Variants in CEP170 observed in about 807,000 individuals in gnomAD.
CEP170 encodes centrosomal protein of 170 kDa.
Under a neutral mutation model 151.9 loss-of-function variants are expected in CEP170, and 21 were observed. That is an observed-to-expected ratio of 0.14 (90% CI 0.10 to 0.20). The LOEUF is 0.20. Ranked by LOEUF, CEP170 falls within the 10% of genes least tolerant of loss-of-function variation. The pLI, the probability that CEP170 is intolerant of heterozygous loss-of-function variation, is 1.00. For synonymous variants in CEP170, 356 were observed against 648.8 expected (o/e 0.55, Z 6.86); for missense variants, 964 against 1,892.9 (o/e 0.51, Z 9.11).
At chr1:243,159,833 G>A (rs2057918681) in intron 13 of CEP170, among the ~76,000 whole-genome samples, 1 of 142,724 alleles carries the variant, frequency 7.0e-6, no homozygotes, top group Admixed American at 7.0e-5. Context: ...CTGTCACCCA[G>A]GCTGGAGGGC....
chr1:243,208,000 TC>T (rs2061533198), intron 4 of CEP170, among the ~76,000 whole-genome samples: 2 of 152,114 alleles, frequency 1.3e-5, no homozygotes, highest in African/African-American at 4.8e-5. Flanking sequence ...AGATGATTCT[TC>T]CCATTTTCTC....
intron 18 of CEP170, among the ~76,000 whole-genome samples, chr1:243,129,056 CAACTT>C (rs1256941724): frequency 1.3e-5 from 2 of 151,904 alleles, no homozygotes; most frequent in Non-Finnish European, 2.9e-5. Context: ...CGACTTATGT[CAACTT>C]AATATTTTCA....
intron 14 of CEP170, among the ~76,000 whole-genome samples, chr1:243,151,107 G>A (rs575567732): frequency 6.6e-6 from 1 of 152,196 alleles, no homozygotes; most frequent in Non-Finnish European, 1.5e-5. Flanking sequence ...TACTCTTTAC[G>A]AATGACTACA....
At chr1:243,253,782 A>G (rs1368802903) in intron 1 of CEP170, among the ~76,000 whole-genome samples, 2 of 152,210 alleles carry the variant, frequency 1.3e-5, no homozygotes, top group Non-Finnish European at 2.9e-5. Context: ...AACGCCAGCA[A>G]ACGGCTGCAT....
intron 17 of CEP170, among the ~76,000 whole-genome samples, chr1:243,130,238 T>C (rs2148177524): frequency 6.6e-6 from 1 of 152,304 alleles, no homozygotes; most frequent in East Asian, 1.9e-4. Flanking sequence ...GACCTCTTTA[T>C]ATGGGAATAA....
At chr1:243,236,872 A>G (rs2064303841) in intron 1 of CEP170, among the ~76,000 whole-genome samples, 1 of 152,170 alleles carries the variant, frequency 6.6e-6, no homozygotes, top group African/African-American at 2.4e-5. Flanking sequence ...TTCTTAGCTC[A>G]CGCAGGACAA....
At chr1:243,139,511 A>C (rs2055570687) in intron 16 of CEP170, among the ~76,000 whole-genome samples, 1 of 151,184 alleles carries the variant, frequency 6.6e-6, no homozygotes, top group Non-Finnish European at 1.5e-5. Context: ...TACCTTCTTT[A>C]TTTTTTAATA....
rs1414687589 is a variant in CEP170 at position 243,124,615 on chromosome 1, G to C, written c.*1834C>G. 1 of 152,480 alleles carries C rather than the reference G, an allele frequency of 6.6e-6. No individual in the cohort carries two copies. Among genetic ancestry groups the C allele is most frequent in the Non-Finnish European group, 1.5e-5 (1 of 67,952 alleles). 9.4% of individuals were successfully genotyped at this position (152,480 alleles called of 1,614,324 possible). A position where few individuals can be genotyped will look rare whatever the true frequency, so the allele number is the denominator to read the frequency against. ...AAACACTTAAACAAGAATGTAAGCA[G>C]AGTAGATTCTAGTATTTTCCTAAAC... is the stretch of plus-strand genomic sequence containing the variant. On this transcript the variant is annotated 3_prime_UTR_variant, in exon 20 of 20. Transcript: ENST00000366542.
At chr1:243,158,471 G>C (rs1399925930) in intron 13 of CEP170, among the ~76,000 whole-genome samples, 1 of 152,124 alleles carries the variant, frequency 6.6e-6, no homozygotes, top group Non-Finnish European at 1.5e-5. Context: ...AGTTAATTTT[G>C]AGGTAACTTA....
chr1:243,248,913 T>C (rs2065670754), intron 1 of CEP170, among the ~76,000 whole-genome samples: 1 of 152,142 alleles, frequency 6.6e-6, no homozygotes, highest in South Asian at 2.1e-4. Flanking sequence ...ATCCCATTCC[T>C]GCCTCAGAAC....
At chr1:243,164,132 C>T (rs1207487312) in intron 13 of CEP170, among the ~76,000 whole-genome samples, 152 bp downstream of exon 13, 1 of 151,930 alleles carries the variant, frequency 6.6e-6, no homozygotes, top group Admixed American at 6.6e-5. Context: ...GTTTTATAGA[C>T]CCCCCACCGC....
intron 1 of CEP170, among the ~76,000 whole-genome samples, chr1:243,250,565 T>C (rs924743620): frequency 6.6e-6 from 1 of 152,220 alleles, no homozygotes; most frequent in Non-Finnish European, 1.5e-5. Flanking sequence ...CAACTTTTTA[T>C]TGGTTAATCA....
chr1:243,240,807 C>T (rs371889722), intron 1 of CEP170, among the ~76,000 whole-genome samples: 1 of 152,138 alleles, frequency 6.6e-6, no homozygotes, highest in African/African-American at 2.4e-5. Flanking sequence ...ATTCTCCTGC[C>T]TCAGCCTCCC....
intron 4 of CEP170, among the ~76,000 whole-genome samples, chr1:243,209,818 G>T (rs2148896484): frequency 6.6e-6 from 1 of 152,006 alleles, no homozygotes; most frequent in Non-Finnish European, 1.5e-5. Flanking sequence ...GGAGCCTCCT[G>T]AGTTGCTGGG....
intron 4 of CEP170, chr1:243,211,290 A>T (rs1489818560): frequency 6.6e-6 from 1 of 152,218 alleles, no homozygotes; most frequent in Non-Finnish European, 1.5e-5. Flanking sequence ...TAATACAGTC[A>T]TGTCCTTGTT....
chr1:243,180,322 C>G (rs762885067), intron 10 of CEP170, among the ~76,000 whole-genome samples: 2 of 152,154 alleles, frequency 1.3e-5, no homozygotes, highest in Non-Finnish European at 2.9e-5. Flanking sequence ...TGAGGGTTCC[C>G]TCGTGAAGCT....
At position 243,125,071 on chromosome 1, in the gene CEP170, T is replaced by C. The variant is rs1187154536; in HGVS notation, c.*1378A>G. The stretch of plus-strand genomic sequence containing the variant: ...TAGCACAGGATTATTGTGGAAATAT[T>C]AAAGACCATTTCATAAAAGTTGCAG... On this transcript the variant is annotated 3_prime_UTR_variant, in exon 20 of 20. Transcript: ENST00000366542. 2 of 152,134 alleles carry C rather than the reference T, an allele frequency of 1.3e-5. No homozygotes were observed. The highest frequency in any genetic ancestry group is 1.9e-4 in the East Asian group (1 of 5,196). 9.4% of individuals were successfully genotyped at this position (152,134 alleles called of 1,614,324 possible).
intron 13 of CEP170, among the ~76,000 whole-genome samples, chr1:243,162,909 A>G (rs1160334993): frequency 1.3e-5 from 2 of 152,230 alleles, no homozygotes; most frequent in Non-Finnish European, 2.9e-5. Flanking sequence ...ATTTGGCAAT[A>G]AATTTGTGAA....
intron 14 of CEP170, among the ~76,000 whole-genome samples, chr1:243,154,123 A>T (rs1489748183): frequency 6.6e-6 from 1 of 152,236 alleles, no homozygotes; most frequent in Non-Finnish European, 1.5e-5. Flanking sequence ...AAATGCAGGT[A>T]AACAGTTACT....
Sources: allele counts gnomAD v4.1 joint callset (sites outside exome capture counted in the v4.1 genomes callset), GRCh38; gene constraint gnomAD v4.1.1; transcripts MANE v1.5; gene names NCBI Gene and HGNC (gene_info 2026-07-23, HGNC 2026-07-21).